The following CTNND2 variants were observed in gnomAD, a reference collection of about 807,000 sequenced individuals.
CTNND2 encodes catenin delta 2.
In CTNND2, 22 loss-of-function variants were observed where a neutral mutation model predicts 144.4. The ratio of observed to expected loss-of-function variants is 0.15; its 90% CI spans 0.11 to 0.22. CTNND2 has a LOEUF of 0.22. CTNND2 is among the 10% of genes least tolerant of loss of function. The probability of loss-of-function intolerance (pLI) is 1.00; values close to 1 mark genes in which losing one functional copy is unlikely to be tolerated. For missense variants in CTNND2, 1,353 were observed against 1,618.8 expected, an observed-to-expected ratio of 0.84 and a Z score of 2.82; for synonymous variants, 751 against 695.6, an observed-to-expected ratio of 1.08 and a Z score of -1.25.
At chr5:11,364,578 A>T (rs1025805420) in intron 8 of CTNND2, 118 bp downstream of exon 8, 1 of 715,342 alleles carries the variant, frequency 1.4e-6, no homozygotes, top group Non-Finnish European at 2.1e-6. Flanking sequence ...AGCAGGTCAC[A>T]GTGCTTGTGG....
chr5:11,384,884 C>G lies in CTNND2; in HGVS notation c.958G>C (p.Val320Leu). The G allele has an allele frequency of 6.2e-7, 1 of 1,611,462 alleles. No homozygotes were observed. The highest frequency in any genetic ancestry group is 2.2e-5 in the East Asian group (1 of 44,766). Reference sequence around the variant, plus strand: ...GGGGACAGGCCGGCCGAGGACACGACGATGTTGATGGGCGAGCTGGTGCTG... The same window carrying G: ...GGGGACAGGCCGGCCGAGGACACGAGGATGTTGATGGGCGAGCTGGTGCTG... ...SYSTSSPINI[V>L]VSSAGLSPIR... The change falls in exon 7 of 22, where the codon GTC becomes CTC. Residue 320 changes from valine to leucine, a missense_variant. Transcript: ENST00000304623. The surrounding 1 kb of genome is among the most constrained non-coding windows in gnomAD (Gnocchi z 5.2).
intron 2 of CTNND2, among the ~76,000 whole-genome samples, chr5:11,668,639 G>A (rs1339921350): frequency 6.6e-6 from 1 of 152,192 alleles, no homozygotes; most frequent in Non-Finnish European, 1.5e-5. Flanking sequence ...TGCTAAAGTT[G>A]CATATCAGCT....
At chr5:11,139,424 G>T (rs369970687) in intron 12 of CTNND2, among the ~76,000 whole-genome samples, 218 of 152,314 alleles carry the variant, frequency 1.4e-3, no homozygotes, top group African/African-American at 4.7e-3. Context: ...CACCTAGAAC[G>T]GGACCAGCTG....
At chr5:11,660,466 G>A (rs1445408368) in intron 2 of CTNND2, among the ~76,000 whole-genome samples, 1 of 152,116 alleles carries the variant, frequency 6.6e-6, no homozygotes, top group Non-Finnish European at 1.5e-5. Flanking sequence ...AATGTTGAAA[G>A]AGGAGATGTC....
chr5:11,621,261 T>C (rs577727541), intron 2 of CTNND2, among the ~76,000 whole-genome samples: 303 of 152,358 alleles, frequency 2.0e-3, no homozygotes, highest in African/African-American at 6.9e-3. Context: ...GGATAATTAC[T>C]GGTAATATTC....
intron 3 of CTNND2, among the ~76,000 whole-genome samples, chr5:11,524,858 A>C (rs1333444394): frequency 1.3e-5 from 2 of 152,160 alleles, no homozygotes; most frequent in Non-Finnish European, 2.9e-5. Flanking sequence ...AAAGGAAGCA[A>C]ACCTTAAAAA....
chr5:11,689,174 C>T (rs1385454771), intron 2 of CTNND2, among the ~76,000 whole-genome samples: 1 of 152,154 alleles, frequency 6.6e-6, no homozygotes, highest in African/African-American at 2.4e-5. Flanking sequence ...TGTACCTGCA[C>T]CCAGTTAAGA....
intron 7 of CTNND2, among the ~76,000 whole-genome samples, chr5:11,372,858 C>G (rs1440993626): frequency 1.3e-5 from 2 of 152,200 alleles, no homozygotes; most frequent in Non-Finnish European, 2.9e-5. Context: ...ACATATTTGT[C>G]TAGCTATGAA....
chr5:11,866,123 A>C (rs1387134905), intron 1 of CTNND2, among the ~76,000 whole-genome samples: 1 of 152,006 alleles, frequency 6.6e-6, no homozygotes, highest in Non-Finnish European at 1.5e-5. Flanking sequence ...GGCAACATAG[A>C]AAGACCTCGT....
intron 1 of CTNND2, among the ~76,000 whole-genome samples, chr5:11,761,358 T>A (rs528881720): frequency 6.6e-6 from 1 of 152,168 alleles, no homozygotes; most frequent in Non-Finnish European, 1.5e-5. Context: ...ATTTGCACAA[T>A]TGAGAAAAAA....
chr5:11,679,289 C>T (rs1249307766), intron 2 of CTNND2, among the ~76,000 whole-genome samples: 7 of 152,164 alleles, frequency 4.6e-5, no homozygotes, highest in Non-Finnish European at 7.3e-5. Context: ...ATTATGTACT[C>T]AATCCATTCA....
At chr5:11,802,567 CAA>C (rs201689886) in intron 1 of CTNND2, among the ~76,000 whole-genome samples, 2 of 127,344 alleles carry the variant, frequency 1.6e-5, no homozygotes, top group Non-Finnish European at 3.5e-5. Flanking sequence ...AACTCCATCT[CAA>C]AAAAAAAAAA....
intron 9 of CTNND2, among the ~76,000 whole-genome samples, chr5:11,250,491 C>CTCTCTATATA (rs869141186): frequency 3.4e-3 from 218 of 64,088 alleles, no homozygotes; most frequent in East Asian, 0.01. Context: ...CTCTCTCTCT[C>CTCTCTATATA]TATATATATA....
chr5:11,616,998 T>C (rs575066633), intron 2 of CTNND2, among the ~76,000 whole-genome samples: 7 of 152,320 alleles, frequency 4.6e-5, no homozygotes, highest in African/African-American at 1.4e-4. Flanking sequence ...TAAGGATTTA[T>C]TCCTTTGCAT....
chr5:11,800,520 T>C (rs1791620390), intron 1 of CTNND2, among the ~76,000 whole-genome samples: 1 of 152,166 alleles, frequency 6.6e-6, no homozygotes, highest in African/African-American at 2.4e-5. Context: ...ATCCCTTAAT[T>C]TATTCACCAT....
At chr5:11,437,177 T>A (rs936708364) in intron 3 of CTNND2, among the ~76,000 whole-genome samples, 1 of 152,228 alleles carries the variant, frequency 6.6e-6, no homozygotes, top group Non-Finnish European at 1.5e-5. Flanking sequence ...TACCTCCTTA[T>A]GAGTGTGAGT....
At chr5:11,176,034 T>G (rs546987702) in intron 11 of CTNND2, among the ~76,000 whole-genome samples, 1 of 152,330 alleles carries the variant, frequency 6.6e-6, no homozygotes, top group Non-Finnish European at 1.5e-5. Flanking sequence ...TCTTTTGTTA[T>G]TTTATTTCCC....
intron 11 of CTNND2, among the ~76,000 whole-genome samples, chr5:11,180,121 G>A (rs760917947): frequency 6.6e-6 from 1 of 152,144 alleles, no homozygotes; most frequent in Admixed American, 6.5e-5. Flanking sequence ...CCTGGTGGGA[G>A]GTGACTGCAT....
chr5:11,338,512 G>C (rs1236681875), intron 9 of CTNND2, among the ~76,000 whole-genome samples: 2 of 152,282 alleles, frequency 1.3e-5, no homozygotes, highest in African/African-American at 2.4e-5. Flanking sequence ...AGCACAAAAC[G>C]GATTTCCACC....
Sources: gnomAD v4.1 joint callset for allele counts (sites outside exome capture counted in the v4.1 genomes callset) on GRCh38, gnomAD v4.1.1 for gene constraint, Gnocchi (gnomAD v3.1) non-coding constraint, MANE v1.5 for transcripts, NCBI Gene and HGNC (gene_info 2026-07-23, HGNC 2026-07-21) for gene names.